The following PALM2AKAP2 variants were observed in gnomAD, a reference collection of about 807,000 sequenced individuals.
PALM2AKAP2 encodes PALM2 and AKAP2 fusion.
PALM2AKAP2 carries 37 observed loss-of-function variants against 71.5 expected under a neutral mutation model. That is an observed-to-expected ratio of 0.52 (90% CI 0.40 to 0.68). PALM2AKAP2 has a LOEUF of 0.68. Among genes scored for constraint, PALM2AKAP2 ranks in the 30% least tolerant of loss-of-function variants. The pLI is 0.00. For missense variants in PALM2AKAP2, 1,224 were observed against 1,191.8 expected, an observed-to-expected ratio of 1.03 and a Z score of -0.40; for synonymous variants, 468 against 478.8, an observed-to-expected ratio of 0.98 and a Z score of 0.29.
intron 1 of PALM2AKAP2, among the ~76,000 whole-genome samples, chr9:109,733,477 A>G (rs961233827): frequency 2.6e-5 from 4 of 152,176 alleles, no homozygotes; most frequent in African/African-American, 9.6e-5. Flanking sequence ...GCTGGAACAC[A>G]CGTGGAAATA....
intron 3 of PALM2AKAP2, among the ~76,000 whole-genome samples, chr9:110,167,480 T>TGATGCCAC (rs1836767350): frequency 1.4e-5 from 1 of 73,596 alleles, no homozygotes; most frequent in Non-Finnish European, 2.7e-5. Context: ...GAATCTCTTC[T>TGATGCCAC]TGATCAAACT....
chr9:110,080,091 A>G (rs1261253311), intron 1 of PALM2AKAP2, among the ~76,000 whole-genome samples: 7 of 151,130 alleles, frequency 4.6e-5, no homozygotes, highest in African/African-American at 1.5e-4. Flanking sequence ...AAAAAAAAAA[A>G]AAAATAGAAG....
At chr9:109,938,558 A>G (rs901496523) in intron 6 of PALM2AKAP2, among the ~76,000 whole-genome samples, 3 of 152,180 alleles carry the variant, frequency 2.0e-5, no homozygotes, top group Non-Finnish European at 4.4e-5. Flanking sequence ...TATTCTAGGA[A>G]TATTGGAAGA....
chr9:109,791,932 G>T (rs1283603815), intron 1 of PALM2AKAP2, among the ~76,000 whole-genome samples: 1 of 152,128 alleles, frequency 6.6e-6, no homozygotes, highest in Non-Finnish European at 1.5e-5. Flanking sequence ...GTGTAGGCTG[G>T]ATTTGTTCCC....
At chr9:109,650,274 A>G (rs186711528) in intron 1 of PALM2AKAP2, among the ~76,000 whole-genome samples, 5 of 148,814 alleles carry the variant, frequency 3.4e-5, no homozygotes, top group African/African-American at 9.7e-5. Context: ...AAAGCCAGTT[A>G]AGATCTGTAG....
chr9:109,964,016 C>A (rs986450570), intron 6 of PALM2AKAP2, among the ~76,000 whole-genome samples: 1 of 152,198 alleles, frequency 6.6e-6, no homozygotes, highest in Non-Finnish European at 1.5e-5. Context: ...ATGGGACACG[C>A]AGGAATCCAA....
chr9:110,097,930 T>C (rs1369102484), intron 1 of PALM2AKAP2, among the ~76,000 whole-genome samples: 1 of 141,338 alleles, frequency 7.1e-6, no homozygotes, highest in East Asian at 1.9e-4. Context: ...AGGCCAAGGC[T>C]GGCGGATCAC....
At chr9:109,921,404 G>T (rs1830826601) in intron 3 of PALM2AKAP2, among the ~76,000 whole-genome samples, 1 of 152,152 alleles carries the variant, frequency 6.6e-6, no homozygotes, top group Admixed American at 6.5e-5. Flanking sequence ...CCCACTATGT[G>T]CCAGTAACAC....
At chr9:110,135,164 A>AAAAAAAAAAAAAAAATATAT in intron 1 of PALM2AKAP2, among the ~76,000 whole-genome samples, 2 of 51,726 alleles carry the variant, frequency 3.9e-5, no homozygotes, top group Non-Finnish European at 7.5e-5. Flanking sequence ...AAAAAAAAAA[A>AAAAAAAAAAAAAAAATATAT]ATATATAAAT....
chr9:110,006,320 C>CTATCTTT (rs1238150373), intron 6 of PALM2AKAP2, among the ~76,000 whole-genome samples: 20 of 82,634 alleles, frequency 2.4e-4, no homozygotes, highest in African/African-American at 8.5e-4. Context: ...TTCCTTCCTT[C>CTATCTTT]CTTCTCTTTC....
chr9:109,935,099 C>T (rs932363515), intron 6 of PALM2AKAP2, among the ~76,000 whole-genome samples: 6 of 152,168 alleles, frequency 3.9e-5, no homozygotes, highest in Non-Finnish European at 8.8e-5. Context: ...GTTCCTCCAT[C>T]CTCATGTTTA....
intron 3 of PALM2AKAP2, among the ~76,000 whole-genome samples, chr9:110,164,687 T>C (rs1836690897): frequency 6.6e-6 from 1 of 152,004 alleles, no homozygotes; most frequent in Non-Finnish European, 1.5e-5. Flanking sequence ...GCAGCCACCA[T>C]GCCCAGCTAA....
chr9:109,840,003 G>A (rs2131578856), intron 1 of PALM2AKAP2, among the ~76,000 whole-genome samples: 1 of 152,158 alleles, frequency 6.6e-6, no homozygotes, highest in Middle Eastern at 3.4e-3. Context: ...TCATAGAATT[G>A]GAAAAAACTA....
chr9:109,787,611 TA>T (rs1173817658), intron 1 of PALM2AKAP2, among the ~76,000 whole-genome samples: 1 of 152,238 alleles, frequency 6.6e-6, no homozygotes, highest in African/African-American at 2.4e-5. Context: ...TATTGGTCCC[TA>T]GAGAGCAGAT....
At position 109,938,577 on chromosome 9, in the gene PALM2AKAP2, C is replaced by T. The variant is rs1831284431; in HGVS notation, c.496+6549C>T. On this transcript the variant is annotated intron_variant, in intron 6 of 9. Coordinates refer to the PALM2AKAP2 transcript ENST00000302798. ...CTAGGAATATTGGAAGAATAGTGTA[C>T]AACATGTAAATATAAATAGGTAACC... Among the ~76,000 whole-genome samples the T allele has an allele frequency of 1.3e-5, 2 of 152,042 alleles. 1 individual carries two copies. The highest frequency in any genetic ancestry group is 4.1e-4 in the South Asian group (2 of 4,830).
intron 1 of PALM2AKAP2, among the ~76,000 whole-genome samples, chr9:109,669,220 T>C (rs1827537801): frequency 6.6e-6 from 1 of 152,146 alleles, no homozygotes; most frequent in Non-Finnish European, 1.5e-5. Context: ...ATCTTCAGAA[T>C]GTTCTCATTT....
intron 1 of PALM2AKAP2, among the ~76,000 whole-genome samples, chr9:109,734,913 G>T (rs1828607007): frequency 6.6e-6 from 1 of 151,834 alleles, no homozygotes; most frequent in Non-Finnish European, 1.5e-5. Flanking sequence ...CCCCTCCCTG[G>T]AGAAATAGAT....
At chr9:110,170,362 A>G (rs571935463) in exon 4 of PALM2AKAP2, 14 of 152,710 alleles carry the variant, frequency 9.2e-5, no homozygotes, top group African/African-American at 3.4e-4. Context: ...ACAAGTAGCA[A>G]TTTCACAAAA....
intron 1 of PALM2AKAP2, among the ~76,000 whole-genome samples, chr9:109,851,492 A>G (rs1301754077): frequency 6.6e-6 from 1 of 152,172 alleles, no homozygotes; most frequent in Non-Finnish European, 1.5e-5. Flanking sequence ...GAGGTCTTGA[A>G]TCTTCCTCCA....
Sources: gnomAD v4.1 joint callset for allele counts (sites outside exome capture counted in the v4.1 genomes callset) on GRCh38, gnomAD v4.1.1 for gene constraint, MANE v1.5 for transcripts, NCBI Gene and HGNC (gene_info 2026-07-23, HGNC 2026-07-21) for gene names.